Variants in GUCY1A2 observed in about 807,000 individuals in gnomAD.
GUCY1A2 encodes guanylate cyclase 1 soluble subunit alpha 2.
A neutral mutation model predicts 63.5 loss-of-function variants in GUCY1A2; 27 were observed. The observed-to-expected ratio is 0.43, with a 90% CI of 0.31 to 0.59. The LOEUF (loss-of-function observed/expected upper bound fraction) is 0.59, where lower values mean the gene tolerates loss of function less well. GUCY1A2 is among the 20% of genes least tolerant of loss of function. The pLI is 0.11. For missense variants in GUCY1A2, 768 were observed against 913.3 expected (o/e 0.84, Z 2.05); for synonymous variants, 364 against 343.5 (o/e 1.06, Z -0.66).
At position 107,017,746 on chromosome 11, in the gene GUCY1A2, C is replaced by G. The variant is rs751333982; in HGVS notation, c.303+7G>C. On this transcript the variant is annotated splice_region_variant and intron_variant, in intron 1 of 7. Transcript: ENST00000526355. Reference sequence around the variant, plus strand: ...GAAGGCGGTCCCCCCTTCCGCCCCCCGCTCACCGAGGGCGCCGTCAGGCGG... The same window carrying G: ...GAAGGCGGTCCCCCCTTCCGCCCCCGGCTCACCGAGGGCGCCGTCAGGCGG... 7 of 1,389,684 alleles carry G rather than the reference C, an allele frequency of 5.0e-6. No homozygotes were observed. The highest frequency in any genetic ancestry group is 2.7e-4 in the Middle Eastern group (1 of 3,666). The allele number at this position is 1,389,684 out of a possible 1,614,324, so 86.1% of individuals were successfully genotyped here.
At position 106,685,895 on chromosome 11, in the gene GUCY1A2, C is replaced by T. The variant is rs957934268; in HGVS notation, c.*1654G>A. ...ATTATAACAAATATTTGCATATCTA[C>T]AAATGCCTTCTAGCCACACACATAG... is the stretch of plus-strand genomic sequence containing the variant. On this transcript the variant is annotated 3_prime_UTR_variant, in exon 8 of 8. Transcript: ENST00000526355. 1 of 226,188 alleles carries T rather than the reference C, an allele frequency of 4.4e-6. No homozygotes were observed. Among genetic ancestry groups the T allele is most frequent in the Non-Finnish European group, 8.8e-6 (1 of 113,604 alleles). 14.0% of individuals were successfully genotyped at this position (226,188 alleles called of 1,614,324 possible).
intron 4 of GUCY1A2, among the ~76,000 whole-genome samples, chr11:106,833,548 A>G (rs941039026): frequency 1.3e-5 from 2 of 152,036 alleles, no homozygotes; most frequent in Admixed American, 6.6e-5. Flanking sequence ...TATTTATTTT[A>G]CTACCTTTTC....
At chr11:106,759,533 A>G (rs553005661) in intron 6 of GUCY1A2, among the ~76,000 whole-genome samples, 1 of 152,224 alleles carries the variant, frequency 6.6e-6, no homozygotes, top group Non-Finnish European at 1.5e-5. Context: ...AACATTAATT[A>G]GAAGTAGGGT....
intron 4 of GUCY1A2, among the ~76,000 whole-genome samples, chr11:106,893,847 C>T (rs778210283): frequency 6.6e-6 from 1 of 152,010 alleles, no homozygotes; most frequent in Non-Finnish European, 1.5e-5. Flanking sequence ...GTCTGAGAGA[C>T]TAAAAACTCC....
chr11:106,864,127 T>C (rs1054186460), intron 4 of GUCY1A2, among the ~76,000 whole-genome samples: 4 of 151,996 alleles, frequency 2.6e-5, no homozygotes, highest in East Asian at 1.9e-4. Context: ...TGATGGGTTG[T>C]TGGGTACAGC....
chr11:106,842,312 AC>A (rs1192692710), intron 4 of GUCY1A2, among the ~76,000 whole-genome samples: 1 of 151,890 alleles, frequency 6.6e-6, no homozygotes, highest in African/African-American at 2.4e-5. Context: ...ATTGCCCACA[AC>A]TTTGTTAAGA....
chr11:106,738,170 T>C (rs1863624551), intron 6 of GUCY1A2, among the ~76,000 whole-genome samples: 1 of 152,126 alleles, frequency 6.6e-6, no homozygotes, highest in Non-Finnish European at 1.5e-5. Context: ...TTTTTCATGT[T>C]TGTTGGCTGC....
intron 4 of GUCY1A2, among the ~76,000 whole-genome samples, chr11:106,830,614 C>T (rs1437934263): frequency 6.6e-6 from 1 of 152,216 alleles, no homozygotes; most frequent in African/African-American, 2.4e-5. Flanking sequence ...CTGGATGCTT[C>T]CTGCTCTCGA....
rs530667610 is a variant in GUCY1A2 at position 106,681,113 on chromosome 11, G to C, written c.*6436C>G. 4.7e-6 allele frequency: 1 copy of C among 210,562 alleles called. No individual in the cohort carries two copies. Among genetic ancestry groups the C allele is most frequent in the African/African-American group, 2.3e-5 (1 of 44,054 alleles). 13.0% of individuals were successfully genotyped at this position (210,562 alleles called of 1,614,324 possible). ...GATTTTTTCATTTCGAAATCTGAAA[G>C]CTTTAGTGTTTTTTCAGTATTACTG... On this transcript the variant is annotated 3_prime_UTR_variant, in exon 8 of 8. Coordinates refer to ENST00000526355, the MANE Select transcript of GUCY1A2 (RefSeq NM_000855.3).
At chr11:106,923,645 C>A (rs1346282734) in intron 4 of GUCY1A2, among the ~76,000 whole-genome samples, 1 of 151,860 alleles carries the variant, frequency 6.6e-6, no homozygotes, top group African/African-American at 2.4e-5. Flanking sequence ...TTAATTTTTA[C>A]TTTAGCAAAT....
At chr11:106,868,110 T>C (rs146923814) in intron 4 of GUCY1A2, among the ~76,000 whole-genome samples, 5 of 152,160 alleles carry the variant, frequency 3.3e-5, no homozygotes, top group African/African-American at 1.2e-4. Context: ...GATAAAATAC[T>C]GAATAAAACT....
intron 6 of GUCY1A2, among the ~76,000 whole-genome samples, chr11:106,759,968 T>A (rs944219396): frequency 4.6e-5 from 7 of 152,246 alleles, no homozygotes; most frequent in Admixed American, 1.3e-4. Flanking sequence ...TGGACACAGA[T>A]ACATCCATGC....
At chr11:106,814,098 A>C (rs1386808751) in intron 4 of GUCY1A2, among the ~76,000 whole-genome samples, 1 of 152,076 alleles carries the variant, frequency 6.6e-6, no homozygotes, top group Non-Finnish European at 1.5e-5. Context: ...TTTAAATATA[A>C]ATCAATGTGA....
chr11:106,699,497 C>A (rs186730280), intron 7 of GUCY1A2, among the ~76,000 whole-genome samples: 1 of 152,124 alleles, frequency 6.6e-6, no homozygotes, highest in Non-Finnish European at 1.5e-5. Flanking sequence ...GAAATTCTTT[C>A]TGTGTGTGAA....
chr11:106,884,419 G>A (rs1859870384), intron 4 of GUCY1A2, among the ~76,000 whole-genome samples: 1 of 152,114 alleles, frequency 6.6e-6, no homozygotes, highest in Non-Finnish European at 1.5e-5. Flanking sequence ...GGATACTTCA[G>A]ACAGCGAAAA....
At chr11:106,898,553 A>G (rs1860082906) in intron 4 of GUCY1A2, among the ~76,000 whole-genome samples, 1 of 152,226 alleles carries the variant, frequency 6.6e-6, no homozygotes, top group South Asian at 2.1e-4. Context: ...TGAAAAGATA[A>G]GCAGAAAAAT....
chr11:106,817,888 T>G (rs796843137), intron 4 of GUCY1A2, among the ~76,000 whole-genome samples: 6 of 152,212 alleles, frequency 3.9e-5, no homozygotes, highest in African/African-American at 1.4e-4. Context: ...CTGTACACTG[T>G]TGGTGGGAGT....
intron 5 of GUCY1A2, 122 bp downstream of exon 5, chr11:106,809,871 A>G: frequency 3.1e-6 from 2 of 639,792 alleles, no homozygotes; most frequent in Non-Finnish European, 5.3e-6. Flanking sequence ...ATTATCTATA[A>G]AATTTCTAAA....
chr11:106,934,070 T>C (rs541451828), intron 4 of GUCY1A2, among the ~76,000 whole-genome samples: 1 of 152,182 alleles, frequency 6.6e-6, no homozygotes, highest in African/African-American at 2.4e-5. Flanking sequence ...AACAAACCCA[T>C]ACATGTACCC....
Sources: gnomAD v4.1 joint callset for allele counts (sites outside exome capture counted in the v4.1 genomes callset) on GRCh38, gnomAD v4.1.1 for gene constraint, MANE v1.5 for transcripts, NCBI Gene and HGNC (gene_info 2026-07-23, HGNC 2026-07-21) for gene names.